The following PCDH11X variants were observed in gnomAD, a reference collection of about 807,000 sequenced individuals.
PCDH11X encodes the protein protocadherin 11 X-linked, also known as protocadherin-11 X-linked.
PCDH11X carries 18 observed loss-of-function variants against 53.3 expected under a neutral mutation model. The observed-to-expected ratio is 0.34, with a 90% CI of 0.23 to 0.50. PCDH11X has a LOEUF of 0.50. PCDH11X is among the 20% of genes least tolerant of loss of function. The pLI is 0.98. For synonymous variants in PCDH11X, 279 were observed against 393.3 expected (o/e 0.71, Z 3.44); for missense variants, 570 against 1,032.4 (o/e 0.55, Z 6.14).
chrX:92,333,249 G>A (rs961711217), intron 8 of PCDH11X, among the ~76,000 whole-genome samples: 1 of 109,737 alleles, frequency 9.1e-6, no homozygotes, highest in African/African-American at 3.3e-5. Flanking sequence ...AAGTTTAAAT[G>A]GCTTAATACG....
intron 10 of PCDH11X, among the ~76,000 whole-genome samples, chrX:92,611,833 G>A (rs1927416108): frequency 9.5e-6 from 1 of 105,213 alleles, no homozygotes; most frequent in African/African-American, 3.5e-5. Flanking sequence ...CTACTGAGAT[G>A]ATCACTTTTT....
intron 6 of PCDH11X, among the ~76,000 whole-genome samples, chrX:92,154,608 C>T (rs1448300245): frequency 2.8e-5 from 3 of 108,822 alleles, no homozygotes; most frequent in African/African-American, 1.0e-4. Context: ...AACCCGAGAC[C>T]CTAGTGGGCA....
chrX:91,968,602 C>T (rs959502220), intron 6 of PCDH11X, among the ~76,000 whole-genome samples: 1 of 111,397 alleles, frequency 9.0e-6, no homozygotes, highest in African/African-American at 3.3e-5. Context: ...GCTAATAAGA[C>T]TTTATAATAA....
intron 6 of PCDH11X, among the ~76,000 whole-genome samples, chrX:92,162,712 A>G (rs2065665102): frequency 9.9e-6 from 1 of 101,006 alleles, no homozygotes; most frequent in African/African-American, 3.6e-5. Context: ...AGCTGTGGAT[A>G]CCATCACCTG....
intron 9 of PCDH11X, among the ~76,000 whole-genome samples, chrX:92,436,762 A>C (rs966316912): frequency 1.8e-5 from 2 of 110,786 alleles, no homozygotes; most frequent in African/African-American, 6.6e-5. Context: ...TGGGAACTAA[A>C]TGATGAGAAC....
intron 9 of PCDH11X, among the ~76,000 whole-genome samples, chrX:92,395,807 T>C (rs2071229574): frequency 9.1e-6 from 1 of 110,215 alleles, no homozygotes; most frequent in African/African-American, 3.3e-5. Context: ...GTCACTAATG[T>C]TGGTAAGCAG....
intron 6 of PCDH11X, among the ~76,000 whole-genome samples, chrX:92,144,460 T>C (rs150949527): frequency 0.012 from 1,334 of 110,854 alleles, 17 homozygotes; most frequent in African/African-American, 0.042. Context: ...TCTTATGAGA[T>C]CTGATAGGTG....
chrX:91,824,720 A>G (rs1010132353), intron 4 of PCDH11X, among the ~76,000 whole-genome samples: 17 of 107,922 alleles, frequency 1.6e-4, no homozygotes, highest in Non-Finnish European at 3.8e-5. Flanking sequence ...GCTGGTGAAG[A>G]GCTGTGTTCT....
In PCDH11X at chrX:91,953,176, A is replaced by G. The variant is rs186380610; in HGVS notation, c.3033+73903A>G. On this transcript the variant is annotated intron_variant, in intron 6 of 10. Transcript: ENST00000682573. ...ATAGTCAATAATAATTATATATTTT[A>G]AAGTAAAGAGTGTAATTGAATTGTT... Among the ~76,000 whole-genome samples, 1,043 of 110,211 alleles carry G rather than the reference A, an allele frequency of 9.5e-3. 39 individuals carry two copies. Among genetic ancestry groups the G allele is most frequent in the Admixed American group, 0.092 (950 of 10,282 alleles).
chrX:91,878,638 ATAGCTG>A lies in PCDH11X; in HGVS notation c.2399_2404del (p.Ile800_Asp802delinsAsn). 1 of 1,210,981 alleles carries A rather than the reference ATAGCTG, an allele frequency of 8.3e-7. No individual in the cohort carries two copies. The highest frequency in any genetic ancestry group is 1.8e-5 in the South Asian group (1 of 56,908). ...AGCACCAGTGACCCCAAATACTGAGATAGCTGATGTATCCTCACCAACTAGTGACTA... is the reference window on the plus strand; with the variant it reads ...AGCACCAGTGACCCCAAATACTGAGAATGTATCCTCACCAACTAGTGACTA... On this transcript the variant is annotated inframe_deletion, in exon 6 of 11. Coordinates refer to ENST00000682573, the MANE Select transcript of PCDH11X (RefSeq NM_032968.5).
At chrX:91,975,546 G>T (rs889887465) in intron 6 of PCDH11X, among the ~76,000 whole-genome samples, 22 of 111,126 alleles carry the variant, frequency 2.0e-4, no homozygotes, top group Non-Finnish European at 4.1e-4. Context: ...TATCACCAAA[G>T]AAATGAGTGT....
intron 8 of PCDH11X, among the ~76,000 whole-genome samples, chrX:92,357,676 G>A (rs2070242924): frequency 1.8e-5 from 2 of 109,481 alleles, no homozygotes; most frequent in African/African-American, 6.7e-5. Flanking sequence ...CTCAAGAACT[G>A]TGAGAAATAA....
intron 9 of PCDH11X, among the ~76,000 whole-genome samples, chrX:92,414,585 T>C (rs1477465490): frequency 8.5e-5 from 9 of 105,646 alleles, no homozygotes; most frequent in Non-Finnish European, 1.2e-4. Flanking sequence ...GTGCCACCAA[T>C]ATCTGTCTTT....
At chrX:92,310,754 G>A (rs1023740949) in intron 8 of PCDH11X, among the ~76,000 whole-genome samples, 1 of 111,584 alleles carries the variant, frequency 9.0e-6, no homozygotes, top group African/African-American at 3.3e-5. Context: ...CAAAAATGAT[G>A]AGGATAAGTG....
chrX:91,935,452 G>T (rs1174823720), intron 6 of PCDH11X, among the ~76,000 whole-genome samples: 1 of 111,239 alleles, frequency 9.0e-6, no homozygotes, highest in Non-Finnish European at 1.9e-5. Context: ...ATTCATTCCT[G>T]AATTTGTGTG....
intron 9 of PCDH11X, among the ~76,000 whole-genome samples, chrX:92,442,525 G>A (rs759638321): frequency 2.3e-4 from 26 of 111,812 alleles, no homozygotes; most frequent in African/African-American, 5.9e-4. Flanking sequence ...TGCCATCCAC[G>A]TAAGATGTGA....
rs780781593 is a variant in PCDH11X at position 92,054,423 on chromosome X, G to A, written c.3034-146952G>A. ...TTTATGTGAAAATTTTTACTTCATT[G>A]GTCAAAGCCTGATAAATAAGAAATT... is the stretch of plus-strand genomic sequence containing the variant. On this transcript the variant is annotated intron_variant, in intron 6 of 10. Coordinates refer to ENST00000682573, the MANE Select transcript of PCDH11X (RefSeq NM_032968.5). Among the ~76,000 whole-genome samples, 382 of 111,612 alleles carry A rather than the reference G, an allele frequency of 3.4e-3. 2 individuals are homozygous for A. The highest frequency in any genetic ancestry group is 5.6e-3 in the Non-Finnish European group (295 of 53,107).
chrX:92,422,536 A>C (rs1374977993), intron 9 of PCDH11X, among the ~76,000 whole-genome samples: 1 of 111,126 alleles, frequency 9.0e-6, no homozygotes, highest in African/African-American at 3.3e-5. Flanking sequence ...ATAAAACACA[A>C]TTTATTTATT....
rs1438112669 is a variant in PCDH11X at position 92,423,286 on chromosome X, T to C, written c.3343+35353T>C. On this transcript the variant is annotated intron_variant, in intron 9 of 10. Transcript: ENST00000682573. ...CCATTTGTTTATCTTCTTTTGAGAA[T>C]TGTCCATTCATGTACTTAGCCCACT... 3.1e-5 allele frequency among the ~76,000 whole-genome samples: 3 copies of C among 98,069 alleles called. 1 individual carries two copies. Among genetic ancestry groups the C allele is most frequent in the Non-Finnish European group, 6.8e-5 (3 of 44,295 alleles). 85.2% of individuals were successfully genotyped at this position (98,069 alleles called of 115,157 possible). A position where few individuals can be genotyped will look rare whatever the true frequency, so the allele number is the denominator to read the frequency against.
Sources: gnomAD v4.1 joint callset for allele counts (sites outside exome capture counted in the v4.1 genomes callset) on GRCh38, gnomAD v4.1.1 for gene constraint, MANE v1.5 for transcripts, NCBI Gene and HGNC (gene_info 2026-07-23, HGNC 2026-07-21) for gene names.